AP3S1: variants seen among roughly 807,000 people sequenced by gnomAD.
The protein encoded by AP3S1 is AP-3 complex subunit sigma-1.
Under a neutral mutation model 21.3 loss-of-function variants are expected in AP3S1, and 12 were observed. The observed-to-expected ratio is 0.56, with a 90% CI of 0.36 to 0.91. The LOEUF is 0.91. Ranked by LOEUF, AP3S1 falls within the 40% of genes least tolerant of loss-of-function variation. AP3S1 has a pLI of 0.01. For missense variants in AP3S1, 116 were observed against 225.0 expected, an observed-to-expected ratio of 0.52 and a Z score of 3.10; for synonymous variants, 48 against 78.4, an observed-to-expected ratio of 0.61 and a Z score of 2.05.
chr5:115,860,687 C>G (rs562818421), intron 1 of AP3S1, among the ~76,000 whole-genome samples: 2 of 152,276 alleles, frequency 1.3e-5, no homozygotes, highest in East Asian at 3.9e-4. Context: ...TACTTTAACA[C>G]TTATTTAAAC....
intron 1 of AP3S1, among the ~76,000 whole-genome samples, chr5:115,849,973 G>T (rs1762322818): frequency 6.6e-6 from 1 of 152,134 alleles, no homozygotes; most frequent in African/African-American, 2.4e-5. Flanking sequence ...TGAGACCTGT[G>T]ATCAAGCTTT....
At chr5:115,889,298 TAAGAA>T (rs1750072882) in intron 3 of AP3S1, among the ~76,000 whole-genome samples, 1 of 152,060 alleles carries the variant, frequency 6.6e-6, no homozygotes, top group Admixed American at 6.6e-5. Context: ...CTAGAAAAAT[TAAGAA>T]AGAAAAAATA....
chr5:115,855,555 G>A (rs923992023), intron 1 of AP3S1, among the ~76,000 whole-genome samples: 1 of 152,134 alleles, frequency 6.6e-6, no homozygotes, highest in African/African-American at 2.4e-5. Flanking sequence ...GCCCAGGCTT[G>A]TCTGGAACTC....
At chr5:115,895,059 T>C in intron 3 of AP3S1, 28 bp from the exon 4 acceptor site, 1 of 1,505,174 alleles carries the variant, frequency 6.6e-7, no homozygotes, top group South Asian at 1.2e-5. Flanking sequence ...TTTAAACAGT[T>C]CTTAAAACCT....
chr5:115,904,668 G>A (rs1450554416), intron 5 of AP3S1, among the ~76,000 whole-genome samples: 1 of 152,066 alleles, frequency 6.6e-6, no homozygotes, highest in Non-Finnish European at 1.5e-5. Context: ...TTAGGACAAG[G>A]AAAAAGACTC....
At chr5:115,853,001 T>G (rs1238675707) in intron 1 of AP3S1, 6 of 453,844 alleles carry the variant, frequency 1.3e-5, no homozygotes, top group Non-Finnish European at 2.7e-5. Context: ...GGAGTAAAAT[T>G]GCCAAATCAT....
intron 3 of AP3S1, among the ~76,000 whole-genome samples, chr5:115,887,286 C>A (rs538757413): frequency 6.6e-6 from 1 of 152,112 alleles, no homozygotes; most frequent in South Asian, 2.1e-4. Context: ...TTGGCTTCAG[C>A]ATATTAGTAT....
chr5:115,865,924 G>A (rs1429373634), intron 1 of AP3S1, among the ~76,000 whole-genome samples: 3 of 152,104 alleles, frequency 2.0e-5, no homozygotes, highest in African/African-American at 7.2e-5. Flanking sequence ...TCAGCCTCCC[G>A]AGTAGCTGGG....
At chr5:115,881,772 T>C (rs1486460195) in intron 3 of AP3S1, among the ~76,000 whole-genome samples, 1 of 152,218 alleles carries the variant, frequency 6.6e-6, no homozygotes, top group Non-Finnish European at 1.5e-5. Context: ...GAATTCCTCC[T>C]GGATAATATC....
chr5:115,847,271 G>A (rs143900501), intron 1 of AP3S1, among the ~76,000 whole-genome samples: 468 of 152,302 alleles, frequency 3.1e-3, no homozygotes, highest in African/African-American at 0.011. Flanking sequence ...GGAGTGGATG[G>A]TGGGTAGGCA....
chr5:115,872,301 A>G (rs1447932417), intron 3 of AP3S1, among the ~76,000 whole-genome samples: 1 of 152,050 alleles, frequency 6.6e-6, no homozygotes. Context: ...AGAAATAAAA[A>G]CATTGTTAAT....
chr5:115,883,145 G>A (rs1339238824), intron 3 of AP3S1, among the ~76,000 whole-genome samples: 7 of 152,234 alleles, frequency 4.6e-5, no homozygotes, highest in African/African-American at 1.4e-4. Flanking sequence ...CTCCATGGCG[G>A]TGGGATCCAC....
intron 3 of AP3S1, among the ~76,000 whole-genome samples, chr5:115,883,227 G>C (rs1351868724): frequency 6.6e-6 from 1 of 152,196 alleles, no homozygotes; most frequent in Non-Finnish European, 1.5e-5. Context: ...CTGTCTCACT[G>C]GTGTTCCAGG....
At chr5:115,871,332 A>G (rs1748223538) in intron 3 of AP3S1, among the ~76,000 whole-genome samples, 1 of 152,074 alleles carries the variant, frequency 6.6e-6, no homozygotes. Context: ...TTGTTTTGTA[A>G]TTCTTGGTGA....
chr5:115,864,325 T>C (rs1475134901), intron 1 of AP3S1, among the ~76,000 whole-genome samples: 2 of 152,186 alleles, frequency 1.3e-5, no homozygotes, highest in African/African-American at 4.8e-5. Context: ...TTTTTGATAT[T>C]GGACAATCCC....
chr5:115,883,133 G>A (rs1406242581), intron 3 of AP3S1, among the ~76,000 whole-genome samples: 5 of 152,216 alleles, frequency 3.3e-5, no homozygotes, highest in Non-Finnish European at 5.9e-5. Flanking sequence ...TAGCTTGCTG[G>A]GCTCCATGGC....
At chr5:115,855,627 A>G (rs1054610630) in intron 1 of AP3S1, among the ~76,000 whole-genome samples, 3 of 152,246 alleles carry the variant, frequency 2.0e-5, no homozygotes, top group African/African-American at 7.2e-5. Context: ...GGCTTGAGCC[A>G]CTGCACCCAG....
At chr5:115,903,070 T>C in intron 5 of AP3S1, 78 bp downstream of exon 5, 1 of 1,100,734 alleles carries the variant, frequency 9.1e-7, no homozygotes, top group Non-Finnish European at 1.3e-6. Flanking sequence ...TTTTCACTGT[T>C]TGTCCTTCAG....
chr5:115,884,076 A>G (rs1197282577), intron 3 of AP3S1, among the ~76,000 whole-genome samples: 1 of 152,142 alleles, frequency 6.6e-6, no homozygotes, highest in Non-Finnish European at 1.5e-5. Flanking sequence ...GTTTATAGAA[A>G]CCATGTTTAT....
Sources: allele counts gnomAD v4.1 joint callset (sites outside exome capture counted in the v4.1 genomes callset), GRCh38; gene constraint gnomAD v4.1.1; transcripts MANE v1.5; gene names NCBI Gene and HGNC (gene_info 2026-07-23, HGNC 2026-07-21).